The following EDAR variants were observed in gnomAD, a reference collection of about 807,000 sequenced individuals.
The protein encoded by EDAR is tumor necrosis factor receptor superfamily member EDAR.
EDAR carries 38 observed loss-of-function variants against 51.3 expected under a neutral mutation model. That is an observed-to-expected ratio of 0.74 (90% CI 0.57 to 0.97). The LOEUF is 0.97. Among genes scored for constraint, EDAR ranks in the 50% least tolerant of loss-of-function variants. The pLI is 0.00. For synonymous variants in EDAR, 227 were observed against 242.1 expected, an observed-to-expected ratio of 0.94 and a Z score of 0.58; for missense variants, 528 against 595.0, an observed-to-expected ratio of 0.89 and a Z score of 1.17.
intron 5 of EDAR, among the ~76,000 whole-genome samples, chr2:108,922,302 G>C (rs768719543): frequency 1.3e-5 from 2 of 152,350 alleles, no homozygotes; most frequent in East Asian, 3.9e-4. Context: ...GAGGACATGC[G>C]GGCCATGGCA....
intron 6 of EDAR, 27 bp from the exon 7 acceptor site, chr2:108,911,099 A>T: frequency 6.2e-7 from 1 of 1,613,726 alleles, no homozygotes; most frequent in Non-Finnish European, 8.5e-7. Flanking sequence ...GGCATGAATG[A>T]CCCAGAGCTC....
At chr2:108,982,885 T>C (rs1249501206) in intron 1 of EDAR, among the ~76,000 whole-genome samples, 1 of 152,214 alleles carries the variant, frequency 6.6e-6, no homozygotes, top group African/African-American at 2.4e-5. Flanking sequence ...GAACAAGGAC[T>C]GGCCACCCAG....
chr2:108,910,466 G>C lies in EDAR; in HGVS notation c.797C>G (p.Thr266Ser). ...EKLTATPAKP[T>S]KSENDASSEN... Reference sequence around the variant, plus strand: ...GCTGGGGGCTTCCACATACCTCTTGGTGGGCTTTGCTGGAGTTGCTGTCAG... The same window carrying C: ...GCTGGGGGCTTCCACATACCTCTTGCTGGGCTTTGCTGGAGTTGCTGTCAG... The change falls in exon 9 of 12, where the codon ACC (threonine) becomes AGC (serine). Residue 266 changes from threonine (T) to serine (S), a missense_variant. Transcript: ENST00000258443. 1 of 1,613,496 alleles carries C rather than the reference G, an allele frequency of 6.2e-7. No individual in the cohort carries two copies. Among genetic ancestry groups the C allele is most frequent in the Non-Finnish European group, 8.5e-7 (1 of 1,179,648 alleles).
Position 108,937,564 on chromosome 2 carries a change from G to A in EDAR, c.-18-6532C>T, listed in dbSNP as rs550193569. 6.6e-4 allele frequency among the ~76,000 whole-genome samples: 100 copies of A among 152,094 alleles called. 1 individual carries two copies. The Middle Eastern group carries it at 0.01, about 16-fold the overall frequency. The stretch of plus-strand genomic sequence containing the variant: ...GTGTGAGTGTGTGAATGTTATGTGT[G>A]TGTGTATGCTTATGTGTAAGTGTAT... On this transcript the variant is annotated intron_variant, in intron 1 of 11. Coordinates refer to ENST00000258443, the MANE Select transcript of EDAR (RefSeq NM_022336.4).
intron 11 of EDAR, among the ~76,000 whole-genome samples, chr2:108,905,154 G>A (rs1696777075): frequency 6.6e-6 from 1 of 152,226 alleles, no homozygotes; most frequent in South Asian, 2.1e-4. Flanking sequence ...CAGAGAGGGT[G>A]TTAAGACCTG....
rs1394190394 is a variant in EDAR at position 108,923,277 on chromosome 2, G to A, written c.442+91C>T. ...TGTTACTGTGATTCACCTTGTCCAG[G>A]TGCCAGGACCGGCTCTTTCCTACAC... On this transcript the variant is annotated intron_variant, in intron 5 of 11. Coordinates refer to ENST00000258443, the MANE Select transcript of EDAR (RefSeq NM_022336.4). The A allele has an allele frequency of 8.0e-6, 10 of 1,253,768 alleles. No homozygotes were observed. The African/African-American group carries it at 1.5e-4, about 19-fold the overall frequency. 77.7% of individuals were successfully genotyped at this position (1,253,768 alleles called of 1,614,324 possible).
rs942467204 is a variant in EDAR at position 108,918,595 on chromosome 2, A to G, written c.442+4773T>C. Among the ~76,000 whole-genome samples, 10 of 152,126 alleles carry G rather than the reference A, an allele frequency of 6.6e-5. No homozygotes were observed. In the East Asian group the frequency reaches 1.9e-3, roughly 29 times the overall value. On this transcript the variant is annotated intron_variant, in intron 5 of 11. Transcript: ENST00000258443. Reference sequence around the variant, plus strand: ...TATTTTAAAGTGAAAATGAGCGGGGACTGGTTCTGCCTACCTCGCGTGGAG... The same window carrying G: ...TATTTTAAAGTGAAAATGAGCGGGGGCTGGTTCTGCCTACCTCGCGTGGAG...
chr2:108,975,591 A>AGGGCAGCAGCTTTGGGG (rs1369705018), intron 1 of EDAR, among the ~76,000 whole-genome samples: 2 of 152,182 alleles, frequency 1.3e-5, no homozygotes, highest in Non-Finnish European at 1.5e-5. Context: ...CACTGGAAGC[A>AGGGCAGCAGCTTTGGGG]GGGCAGCAGC....
chr2:108,943,779 G>T (rs1356778053), intron 1 of EDAR, among the ~76,000 whole-genome samples: 1 of 152,038 alleles, frequency 6.6e-6, no homozygotes, highest in Non-Finnish European at 1.5e-5. Flanking sequence ...CTTTCTCCAG[G>T]ATGCTCTGTG....
intron 1 of EDAR, among the ~76,000 whole-genome samples, chr2:108,959,097 C>G (rs1697986694): frequency 6.6e-6 from 1 of 152,270 alleles, no homozygotes; most frequent in Admixed American, 6.5e-5. Flanking sequence ...CACCAGTTCT[C>G]TGTGGCTTCC....
chr2:108,936,732 C>T (rs1697476640), intron 1 of EDAR, among the ~76,000 whole-genome samples: 1 of 152,202 alleles, frequency 6.6e-6, no homozygotes, highest in Non-Finnish European at 1.5e-5. Context: ...TCTGAATCTT[C>T]CCTGTCTCAG....
intron 1 of EDAR, among the ~76,000 whole-genome samples, chr2:108,984,018 T>C (rs989036650): frequency 6.6e-6 from 1 of 152,224 alleles, no homozygotes; most frequent in Non-Finnish European, 1.5e-5. Flanking sequence ...TGCTAAGTGT[T>C]CTTTCTCTGC....
intron 11 of EDAR, among the ~76,000 whole-genome samples, chr2:108,903,872 G>C (rs988954886): frequency 2.0e-5 from 3 of 152,096 alleles, no homozygotes; most frequent in Non-Finnish European, 2.9e-5. Flanking sequence ...GCAAATCTCT[G>C]GGATCTAGGA....
chr2:108,911,141 C>T lies in EDAR; in HGVS notation c.530-69G>A, dbSNP rs562536513. ...CCTGCTGGTCTTCCCTCCAGGACTC[C>T]GGCCCCTGGAAGCAATGGCCCTGCC... On this transcript the variant is annotated intron_variant, in intron 6 of 11. Transcript: ENST00000258443. The T allele has an allele frequency of 6.7e-5, 106 of 1,593,414 alleles. No homozygotes were observed. The East Asian group carries it at 1.9e-3, about 28-fold the overall frequency.
intron 1 of EDAR, among the ~76,000 whole-genome samples, chr2:108,934,741 G>A (rs898640195): frequency 7.2e-5 from 11 of 152,176 alleles, no homozygotes; most frequent in African/African-American, 2.4e-4. Flanking sequence ...CCACTCCCGC[G>A]ATGATGACAT....
Position 108,971,010 on chromosome 2 carries a change from C to T in EDAR, c.-19+17950G>A, listed in dbSNP as rs533464385. On this transcript the variant is annotated intron_variant, in intron 1 of 11. Transcript: ENST00000258443. The stretch of plus-strand genomic sequence containing the variant: ...GGATCTGGATTGATGCTGTGTCCTG[C>T]TGTGGACCTGAGGGGACAGGGGATG... Among the ~76,000 whole-genome samples the T allele has an allele frequency of 5.3e-5, 8 of 152,278 alleles. No homozygotes were observed. In the South Asian group the frequency reaches 1.4e-3, roughly 28 times the overall value.
intron 1 of EDAR, among the ~76,000 whole-genome samples, chr2:108,961,547 G>T (rs1411721327): frequency 6.6e-6 from 1 of 152,230 alleles, no homozygotes; most frequent in Non-Finnish European, 1.5e-5. Context: ...CATGCTGAAG[G>T]TTGAACTGCT....
At chr2:108,928,589 A>AG (rs1430376632) in intron 4 of EDAR, among the ~76,000 whole-genome samples, 1 of 152,158 alleles carries the variant, frequency 6.6e-6, no homozygotes, top group Admixed American at 6.5e-5. Context: ...TGTGGCCACT[A>AG]GGGGGAGGAA....
At chr2:108,930,053 C>A in intron 3 of EDAR, 67 bp downstream of exon 3, 6 of 1,550,064 alleles carry the variant, frequency 3.9e-6, no homozygotes, top group Non-Finnish European at 5.2e-6. Context: ...AGGCTCAGGG[C>A]AACAATGCCA....
Sources: gnomAD v4.1 joint callset for allele counts (sites outside exome capture counted in the v4.1 genomes callset) on GRCh38, gnomAD v4.1.1 for gene constraint, MANE v1.5 for transcripts, NCBI Gene and HGNC (gene_info 2026-07-23, HGNC 2026-07-21) for gene names.